SAMSN1: variants seen among roughly 807,000 people sequenced by gnomAD.
SAMSN1 encodes the protein SAM domain, SH3 domain and nuclear localization signals 1, also known as SAM domain-containing protein SAMSN-1.
SAMSN1 carries 31 observed loss-of-function variants against 42.0 expected under a neutral mutation model. That is an observed-to-expected ratio of 0.74 (90% confidence interval 0.55 to 1.00). The LOEUF (loss-of-function observed/expected upper bound fraction) is 1.00. Among genes scored for constraint, SAMSN1 ranks in the 50% least tolerant of loss-of-function variants. The pLI is 0.00. For synonymous variants in SAMSN1, 178 were observed against 151.9 expected (o/e 1.17, Z -1.26); for missense variants, 464 against 439.4 (o/e 1.06, Z -0.50).
At chr21:14,595,017 A>G (rs1051024648) in intron 6 of SAMSN1, among the ~76,000 whole-genome samples, 2 of 152,152 alleles carry the variant, frequency 1.3e-5, no homozygotes, top group Admixed American at 6.5e-5. Flanking sequence ...TTCAGGAGCA[A>G]GAGCAAAAGA....
chr21:14,510,370 A>G lies in SAMSN1; in HGVS notation c.501T>C (p.Arg167=), dbSNP rs1260664575. The G allele has an allele frequency of 1.9e-6, 3 of 1,614,060 alleles. No homozygotes were observed. In the African/African-American group the frequency reaches 4.0e-5, roughly 22 times the overall value. The change falls in exon 5 of 8, where the codon CGT becomes CGC. Residue 167 remains arginine, a synonymous_variant. Transcript: ENST00000400566. ...GCGTGAAATCCGTATGCACTCTGGCACGGCCACAGAATGGTCCTGAATAGG... is the reference window on the plus strand; with the variant it reads ...GCGTGAAATCCGTATGCACTCTGGCGCGGCCACAGAATGGTCCTGAATAGG... ...DGPYSGPFCG[R]ARVHTDFTPS... is the part of the protein sequence containing the mutation.
chr21:14,536,778 G>A (rs1259277764), intron 1 of SAMSN1, among the ~76,000 whole-genome samples: 1 of 152,142 alleles, frequency 6.6e-6, no homozygotes, highest in East Asian at 1.9e-4. Context: ...TTTCTCCTTG[G>A]CATGCAAGCA....
chr21:14,600,317 A>G (rs1982396704), intron 6 of SAMSN1, among the ~76,000 whole-genome samples: 1 of 152,126 alleles, frequency 6.6e-6, no homozygotes, highest in African/African-American at 2.4e-5. Flanking sequence ...TTTGCATAAC[A>G]CTCTTTGTTA....
chr21:14,582,103 A>G, intron 2 of SAMSN1: 1 of 1,497,004 alleles, frequency 6.7e-7, no homozygotes, highest in South Asian at 1.3e-5. Context: ...AACCCCAGAT[A>G]AGATGACACA....
chr21:14,487,789 A>T lies in SAMSN1; in HGVS notation c.920-1675T>A, dbSNP rs1005554149. 1.8e-4 allele frequency among the ~76,000 whole-genome samples: 28 copies of T among 152,294 alleles called. 4 individuals are homozygous for T. The highest frequency in any genetic ancestry group is 1.4e-3 in the Admixed American group (22 of 15,284). ...CCCACAATTTTAACTATAGATTCAA[A>T]TATCAGGTATTTGCCTAGTGATATT... is the stretch of plus-strand genomic sequence containing the variant. On this transcript the variant is annotated intron_variant, in intron 7 of 7. Transcript: ENST00000400566.
At chr21:14,493,535 A>T (rs1451495936) in intron 7 of SAMSN1, among the ~76,000 whole-genome samples, 4 of 151,802 alleles carry the variant, frequency 2.6e-5, no homozygotes, top group Admixed American at 6.6e-5. Flanking sequence ...AGGACTTCAG[A>T]GTAAGGCAAA....
At chr21:14,539,463 G>A (rs1985538) in intron 1 of SAMSN1, among the ~76,000 whole-genome samples, 82,395 of 151,816 alleles carry the variant, frequency 0.54, 22,779 homozygotes, top group East Asian at 0.79. Flanking sequence ...TACAAAATCA[G>A]TGTGCGAAAA....
intron 2 of SAMSN1, among the ~76,000 whole-genome samples, chr21:14,577,696 T>A (rs1981553036): frequency 6.6e-6 from 1 of 152,166 alleles, no homozygotes. Context: ...GCTTCAAAGA[T>A]TATTTTTGGT....
chr21:14,555,543 G>A (rs1980738158), intron 2 of SAMSN1, among the ~76,000 whole-genome samples: 1 of 152,092 alleles, frequency 6.6e-6, no homozygotes, highest in Non-Finnish European at 1.5e-5. Context: ...TAGGGACATG[G>A]CAGAATGACA....
intron 1 of SAMSN1, among the ~76,000 whole-genome samples, chr21:14,655,335 A>C (rs982702577): frequency 5.9e-5 from 9 of 151,812 alleles, no homozygotes; most frequent in Non-Finnish European, 1.3e-4. Flanking sequence ...AGATGACAAA[A>C]TACTACTAAT....
At chr21:14,615,252 A>G (rs1016935037) in intron 3 of SAMSN1, among the ~76,000 whole-genome samples, 3 of 152,062 alleles carry the variant, frequency 2.0e-5, no homozygotes, top group Non-Finnish European at 2.9e-5. Context: ...TCACCCAATT[A>G]CCTACTTACT....
chr21:14,610,706 G>A (rs11088118), intron 4 of SAMSN1, among the ~76,000 whole-genome samples: 2,545 of 152,158 alleles, frequency 0.017, 80 homozygotes, highest in African/African-American at 0.058. Flanking sequence ...CTGACACTTA[G>A]ACAAATAGAA....
chr21:14,632,437 T>C (rs1389662459), intron 2 of SAMSN1, among the ~76,000 whole-genome samples: 2 of 152,180 alleles, frequency 1.3e-5, no homozygotes. Context: ...CAACAATAAA[T>C]TGTGCACAAA....
chr21:14,499,618 TG>T (rs1481194425), intron 6 of SAMSN1, among the ~76,000 whole-genome samples: 2 of 152,114 alleles, frequency 1.3e-5, no homozygotes, highest in Non-Finnish European at 2.9e-5. Flanking sequence ...ACCATTTAAC[TG>T]TGCATTCTTG....
intron 4 of SAMSN1, among the ~76,000 whole-genome samples, chr21:14,610,430 T>C (rs1982673660): frequency 6.6e-6 from 1 of 152,196 alleles, no homozygotes; most frequent in African/African-American, 2.4e-5. Flanking sequence ...TGACAATGCA[T>C]GCACATCAGG....
intron 2 of SAMSN1, among the ~76,000 whole-genome samples, chr21:14,562,710 T>A (rs544465705): frequency 6.6e-6 from 1 of 152,168 alleles, no homozygotes; most frequent in Non-Finnish European, 1.5e-5. Flanking sequence ...TTGATCTTTA[T>A]CCTAATTGGA....
intron 2 of SAMSN1, among the ~76,000 whole-genome samples, chr21:14,558,808 A>C (rs922055910): frequency 1.3e-5 from 2 of 152,210 alleles, no homozygotes; most frequent in South Asian, 2.1e-4. Context: ...TCTTTATAAC[A>C]TTCTGTCCCA....
Position 14,597,033 on chromosome 21 carries a change from A to G in SAMSN1, c.400-2955T>C, listed in dbSNP as rs555313350. Among the ~76,000 whole-genome samples, 3 of 152,334 alleles carry G rather than the reference A, an allele frequency of 2.0e-5. No homozygotes were observed. In the South Asian group the frequency reaches 6.2e-4, roughly 32 times the overall value. ...TACTTGAAATAAGAAACATTGATCA[A>G]TACACAATATCATTATTTTGTCATA... On this transcript the variant is annotated intron_variant, in intron 6 of 15. Coordinates refer to the SAMSN1 transcript ENST00000647101.
chr21:14,639,378 C>CAAAAGGGCAA, intron 2 of SAMSN1, among the ~76,000 whole-genome samples: 1 of 152,154 alleles, frequency 6.6e-6, no homozygotes, highest in Admixed American at 6.5e-5. Context: ...TGGCAGAAAG[C>CAAAAGGGCAA]AAAAGGGCAA....
Sources: gnomAD v4.1 joint callset for allele counts (sites outside exome capture counted in the v4.1 genomes callset) on GRCh38, gnomAD v4.1.1 for gene constraint, MANE v1.5 for transcripts, NCBI Gene and HGNC (gene_info 2026-07-23, HGNC 2026-07-21) for gene names.